Variants in ZFPM2 observed in about 807,000 individuals in gnomAD.
ZFPM2 encodes zinc finger protein ZFPM2.
ZFPM2 carries 20 observed loss-of-function variants against 98.6 expected under a neutral mutation model. That is an observed-to-expected ratio of 0.20 (90% CI 0.14 to 0.29). The LOEUF is 0.29. Ranked by LOEUF, ZFPM2 falls within the 10% of genes least tolerant of loss-of-function variation. ZFPM2 has a pLI of 1.00. For missense variants in ZFPM2, 1,310 were observed against 1,388.6 expected (o/e 0.94, Z 0.90); for synonymous variants, 518 against 502.7 (o/e 1.03, Z -0.41).
intron 2 of ZFPM2, among the ~76,000 whole-genome samples, chr8:105,443,306 CCTT>C (rs1158526387): frequency 5.6e-5 from 5 of 90,008 alleles, no homozygotes; most frequent in Admixed American, 3.7e-4. Context: ...GAGTAAGACT[CCTT>C]CTCAAAAAAC....
At chr8:105,429,883 C>CA (rs1811986263) in intron 2 of ZFPM2, among the ~76,000 whole-genome samples, 1 of 152,110 alleles carries the variant, frequency 6.6e-6, no homozygotes, top group African/African-American at 2.4e-5. Context: ...CTTATTTTCA[C>CA]ACTGTTAATT....
chr8:105,436,377 G>A lies in ZFPM2; in HGVS notation c.200-7903G>A, dbSNP rs562223545. ...TCTACTAAAAATACAAAGTTGACTG[G>A]GTGTGGTGGTATGTGCCTGTGGGCC... On this transcript the variant is annotated intron_variant, in intron 2 of 7. Transcript: ENST00000407775. 1.4e-3 allele frequency among the ~76,000 whole-genome samples: 206 copies of A among 152,052 alleles called. 2 individuals carry two copies. Among genetic ancestry groups the A allele is most frequent in the African/African-American group, 4.7e-3 (195 of 41,490 alleles).
intron 3 of ZFPM2, among the ~76,000 whole-genome samples, chr8:105,458,087 G>A (rs1812626285): frequency 6.6e-6 from 1 of 152,174 alleles, no homozygotes; most frequent in Non-Finnish European, 1.5e-5. Flanking sequence ...TTTTTGGAGA[G>A]TTTGAAGGGA....
chr8:105,429,135 A>G (rs1478975760), intron 2 of ZFPM2, among the ~76,000 whole-genome samples: 7 of 152,170 alleles, frequency 4.6e-5, no homozygotes, highest in Non-Finnish European at 1.0e-4. Flanking sequence ...CTTACTATAT[A>G]TTTAACAACG....
chr8:105,715,905 T>C (rs1005879667), intron 5 of ZFPM2, among the ~76,000 whole-genome samples: 4 of 152,032 alleles, frequency 2.6e-5, no homozygotes, highest in African/African-American at 9.7e-5. Context: ...CTCTAGGTGA[T>C]TCATACGGAG....
At chr8:105,489,097 G>A (rs770778826) in intron 3 of ZFPM2, among the ~76,000 whole-genome samples, 12 of 151,960 alleles carry the variant, frequency 7.9e-5, no homozygotes, top group Admixed American at 3.3e-4. Context: ...GTATATTCAT[G>A]ACTTTCCCAT....
chr8:105,433,610 A>T (rs1812062001), intron 2 of ZFPM2, among the ~76,000 whole-genome samples: 1 of 152,096 alleles, frequency 6.6e-6, no homozygotes, highest in Non-Finnish European at 1.5e-5. Context: ...ACACAGTGAA[A>T]CCCAATCTCT....
intron 1 of ZFPM2, among the ~76,000 whole-genome samples, chr8:105,398,770 A>G (rs1340841121): frequency 6.6e-6 from 1 of 152,152 alleles, no homozygotes; most frequent in Non-Finnish European, 1.5e-5. Flanking sequence ...ATATATATAC[A>G]TATTGGTACA....
intron 1 of ZFPM2, among the ~76,000 whole-genome samples, chr8:105,416,783 G>C (rs879925264): frequency 1.3e-4 from 20 of 152,018 alleles, no homozygotes; most frequent in Non-Finnish European, 2.6e-4. Flanking sequence ...CTTTGGGGAG[G>C]TGTCTAATAT....
intron 4 of ZFPM2, among the ~76,000 whole-genome samples, 160 bp downstream of exon 4, chr8:105,561,641 G>T (rs1815139494): frequency 6.6e-6 from 1 of 152,098 alleles, no homozygotes; most frequent in Non-Finnish European, 1.5e-5. Flanking sequence ...TTTTCAAGTG[G>T]TTTGTGTCTG....
chr8:105,645,587 A>G (rs759280344), intron 5 of ZFPM2, among the ~76,000 whole-genome samples: 57 of 152,220 alleles, frequency 3.7e-4, no homozygotes, highest in Non-Finnish European at 6.8e-4. Flanking sequence ...GGAAAGGAGA[A>G]GTTTATTTCT....
At chr8:105,699,965 A>G (rs1475708035) in intron 5 of ZFPM2, among the ~76,000 whole-genome samples, 1 of 152,228 alleles carries the variant, frequency 6.6e-6, no homozygotes, top group East Asian at 1.9e-4. Context: ...AATGAAATGT[A>G]AATACTTAGA....
chr8:105,541,883 T>G (rs1226002230), intron 3 of ZFPM2, among the ~76,000 whole-genome samples: 2 of 152,164 alleles, frequency 1.3e-5, no homozygotes, highest in Non-Finnish European at 2.9e-5. Flanking sequence ...CCAAATGCCA[T>G]TTAAATCACC....
intron 5 of ZFPM2, among the ~76,000 whole-genome samples, chr8:105,759,700 A>T (rs2131069626): frequency 6.6e-6 from 1 of 151,842 alleles, no homozygotes; most frequent in Middle Eastern, 3.4e-3. Flanking sequence ...ACTGCAATCT[A>T]GTAGGCATGG....
intron 3 of ZFPM2, among the ~76,000 whole-genome samples, chr8:105,521,410 G>C (rs1230861242): frequency 3.3e-5 from 2 of 60,378 alleles, no homozygotes; most frequent in East Asian, 4.1e-4. Context: ...AAGGGGGGAG[G>C]GGGGGAGGGA....
At chr8:105,466,677 TTTTG>T (rs1812801482) in intron 3 of ZFPM2, among the ~76,000 whole-genome samples, 1 of 152,056 alleles carries the variant, frequency 6.6e-6, no homozygotes, top group Admixed American at 6.6e-5. Context: ...AGTTTAATTG[TTTTG>T]TTTGTTTGTT....
chr8:105,576,637 A>C (rs181568180), intron 4 of ZFPM2, among the ~76,000 whole-genome samples: 1 of 152,234 alleles, frequency 6.6e-6, no homozygotes, highest in African/African-American at 2.4e-5. Flanking sequence ...TTTCTAAAAA[A>C]GCTTTGATAG....
At chr8:105,439,309 G>T (rs1048195938) in intron 2 of ZFPM2, among the ~76,000 whole-genome samples, 3 of 152,168 alleles carry the variant, frequency 2.0e-5, no homozygotes, top group Admixed American at 2.0e-4. Flanking sequence ...TTGCTCTGGG[G>T]TTATTATTCA....
intron 5 of ZFPM2, among the ~76,000 whole-genome samples, chr8:105,787,811 G>T (rs891937218): frequency 2.6e-5 from 4 of 152,126 alleles, no homozygotes; most frequent in African/African-American, 9.7e-5. Context: ...ACATATCTAG[G>T]CCTGAGAGTG....
Sources: allele counts gnomAD v4.1 joint callset (sites outside exome capture counted in the v4.1 genomes callset), GRCh38; gene constraint gnomAD v4.1.1; transcripts MANE v1.5; gene names NCBI Gene and HGNC (gene_info 2026-07-23, HGNC 2026-07-21).